RGS6: variants seen among roughly 807,000 people sequenced by gnomAD.
RGS6 encodes the protein regulator of G-protein signaling 6.
A neutral mutation model predicts 78.5 loss-of-function variants in RGS6; 30 were observed. The observed-to-expected ratio is 0.38, with a 90% CI of 0.29 to 0.52. The LOEUF is 0.52. RGS6 is among the 20% of genes least tolerant of loss of function. RGS6 has a pLI of 0.85. For synonymous variants in RGS6, 206 were observed against 206.0 expected (o/e 1.00, Z 0.00); for missense variants, 495 against 609.7 (o/e 0.81, Z 1.98).
chr14:72,175,822 G>A (rs550359110), intron 2 of RGS6, among the ~76,000 whole-genome samples: 46 of 152,248 alleles, frequency 3.0e-4, no homozygotes, highest in Middle Eastern at 6.8e-3. Flanking sequence ...TGGGGAGGGA[G>A]AGAGAAAGGG....
intron 2 of RGS6, among the ~76,000 whole-genome samples, chr14:72,023,298 A>C (rs979271669): frequency 1.3e-5 from 2 of 152,190 alleles, no homozygotes; most frequent in African/African-American, 4.8e-5. Flanking sequence ...GCTACCCAAG[A>C]AAGTCAATTT....
At chr14:72,194,120 G>T (rs1225778473) in intron 2 of RGS6, among the ~76,000 whole-genome samples, 2 of 152,130 alleles carry the variant, frequency 1.3e-5, no homozygotes, top group African/African-American at 4.8e-5. Flanking sequence ...TGGGGTGTTG[G>T]CAGTGGAGGT....
chr14:72,479,344 CT>C (rs770973726), intron 12 of RGS6, among the ~76,000 whole-genome samples: 8 of 152,184 alleles, frequency 5.3e-5, no homozygotes, highest in Non-Finnish European at 1.0e-4. Flanking sequence ...TCCAGGGTTT[CT>C]CGATTGTGGC....
chr14:72,033,397 C>G (rs1446037578), intron 2 of RGS6, among the ~76,000 whole-genome samples: 1 of 151,988 alleles, frequency 6.6e-6, no homozygotes, highest in Admixed American at 6.6e-5. Flanking sequence ...CCATGTCTGG[C>G]TATTTTTTTT....
chr14:71,890,354 A>AAGAC, the RGS6 span, among the ~76,000 whole-genome samples: 404 of 82,544 alleles, frequency 4.9e-3, 6 homozygotes, highest in African/African-American at 8.6e-3. Flanking sequence ...GCGTGTGCAT[A>AAGAC]AGACAGAGAG....
chr14:72,588,354 G>C, the RGS6 span, among the ~76,000 whole-genome samples: 1 of 152,184 alleles, frequency 6.6e-6, no homozygotes, highest in Non-Finnish European at 1.5e-5. Flanking sequence ...TCCTGAGCTC[G>C]TGAGAGACGC....
Position 72,292,627 on chromosome 14 carries a change from C to A in RGS6, c.85-59468C>A, listed in dbSNP as rs74926267. Among the ~76,000 whole-genome samples, 1,373 of 152,322 alleles carry A rather than the reference C, an allele frequency of 9.0e-3. 11 individuals carry two copies. Among genetic ancestry groups the A allele is most frequent in the South Asian group, 0.023 (111 of 4,828 alleles). On this transcript the variant is annotated intron_variant, in intron 2 of 17. Coordinates refer to ENST00000553525, the MANE Select transcript of RGS6 (RefSeq NM_001204424.2). Reference sequence around the variant, plus strand: ...TTCAAAACTGCAGGGTTCTGCAGGCCTGACCTGCTCTTGTTCTCCTTGAGT... The same window carrying A: ...TTCAAAACTGCAGGGTTCTGCAGGCATGACCTGCTCTTGTTCTCCTTGAGT...
intron 2 of RGS6, among the ~76,000 whole-genome samples, chr14:72,318,418 AC>A (rs1203935090): frequency 8.4e-6 from 1 of 118,810 alleles, no homozygotes; most frequent in Non-Finnish European, 1.8e-5. Context: ...CCACACCCTC[AC>A]AGACACACCC....
At chr14:72,343,438 A>G (rs929906859) in intron 2 of RGS6, among the ~76,000 whole-genome samples, 7 of 152,200 alleles carry the variant, frequency 4.6e-5, no homozygotes, top group African/African-American at 1.7e-4. Flanking sequence ...CATGTGATTC[A>G]CTGAGCATAC....
At chr14:72,497,071 C>T (rs563497754) in intron 13 of RGS6, among the ~76,000 whole-genome samples, 2 of 152,264 alleles carry the variant, frequency 1.3e-5, no homozygotes, top group Admixed American at 6.5e-5. Flanking sequence ...CATCTTTCTA[C>T]ACAAGTTCAA....
chr14:72,219,639 TA>T (rs1387085765), intron 2 of RGS6, among the ~76,000 whole-genome samples: 3 of 152,190 alleles, frequency 2.0e-5, no homozygotes, highest in African/African-American at 7.2e-5. Context: ...ATATGTTATG[TA>T]AATACTTTTT....
the RGS6 span, among the ~76,000 whole-genome samples, chr14:71,888,640 T>C: frequency 6.6e-6 from 1 of 150,944 alleles, no homozygotes. Context: ...TTGGCATAGG[T>C]AGGATTTCAT....
intron 3 of RGS6, among the ~76,000 whole-genome samples, chr14:72,361,825 T>C (rs546793586): frequency 1.3e-4 from 19 of 151,962 alleles, no homozygotes; most frequent in South Asian, 2.1e-4. Flanking sequence ...CAAAGCTGAG[T>C]GTGTTTTAGA....
chr14:71,896,668 G>A, the RGS6 span, among the ~76,000 whole-genome samples: 2 of 152,154 alleles, frequency 1.3e-5, no homozygotes, highest in Admixed American at 1.3e-4. Context: ...AAATGCCTCT[G>A]ACAAAAGGAC....
At chr14:71,884,183 G>A in the RGS6 span, among the ~76,000 whole-genome samples, 2 of 152,100 alleles carry the variant, frequency 1.3e-5, no homozygotes, top group African/African-American at 4.8e-5. Flanking sequence ...GTGTCGTTGT[G>A]TTGTTTCCCT....
the RGS6 span, among the ~76,000 whole-genome samples, chr14:71,868,050 AC>A: frequency 6.6e-6 from 1 of 152,266 alleles, no homozygotes; most frequent in African/African-American, 2.4e-5. Flanking sequence ...GTTACAACCA[AC>A]CAAGGAAAGG....
At chr14:72,028,299 C>T (rs1316970503) in intron 2 of RGS6, among the ~76,000 whole-genome samples, 1 of 152,220 alleles carries the variant, frequency 6.6e-6, no homozygotes, top group Non-Finnish European at 1.5e-5. Flanking sequence ...GACACCCTCT[C>T]CTTAGATTGG....
chr14:72,139,924 T>G (rs1279573777), intron 2 of RGS6, among the ~76,000 whole-genome samples: 2 of 152,222 alleles, frequency 1.3e-5, no homozygotes, highest in Non-Finnish European at 2.9e-5. Flanking sequence ...GATCAGGCTT[T>G]CTTTTTCCCA....
At chr14:72,105,610 G>C (rs1393143334) in intron 2 of RGS6, among the ~76,000 whole-genome samples, 1 of 152,052 alleles carries the variant, frequency 6.6e-6, no homozygotes, top group South Asian at 2.1e-4. Context: ...AGATTCCTAA[G>C]ATTTAAATGA....
Sources: allele counts gnomAD v4.1 joint callset (sites outside exome capture counted in the v4.1 genomes callset), GRCh38; gene constraint gnomAD v4.1.1; transcripts MANE v1.5; gene names NCBI Gene and HGNC (gene_info 2026-07-23, HGNC 2026-07-21).